Variants in TXNDC16 observed in about 807,000 individuals in gnomAD.
TXNDC16 encodes the protein thioredoxin domain containing 16.
A neutral mutation model predicts 85.6 loss-of-function variants in TXNDC16; 74 were observed. That is an observed-to-expected ratio of 0.86 (90% confidence interval 0.72 to 1.05). The LOEUF (loss-of-function observed/expected upper bound fraction) is 1.05, where lower values mean the gene tolerates loss of function less well. Ranked by LOEUF, TXNDC16 falls within the 50% of genes least tolerant of loss-of-function variation. The pLI, the probability that TXNDC16 is intolerant of heterozygous loss-of-function variation, is 0.00. For synonymous variants in TXNDC16, 335 were observed against 326.5 expected, an observed-to-expected ratio of 1.03 and a Z score of -0.28; for missense variants, 959 against 947.0, an observed-to-expected ratio of 1.01 and a Z score of -0.17.
chr14:52,498,478 T>C (rs1174678198), intron 9 of TXNDC16, among the ~76,000 whole-genome samples: 2 of 151,736 alleles, frequency 1.3e-5, no homozygotes, highest in African/African-American at 4.8e-5. Context: ...TTTTGCAGGA[T>C]ACAAAATCAG....
intron 4 of TXNDC16, among the ~76,000 whole-genome samples, chr14:52,539,326 T>C (rs1226461820): frequency 1.3e-5 from 2 of 152,064 alleles, no homozygotes; most frequent in Admixed American, 6.6e-5. Context: ...AGAGATGAGT[T>C]CTAAGCAGAG....
chr14:52,488,402 G>A lies in TXNDC16; in HGVS notation c.1069C>T (p.Gln357Ter), dbSNP rs2036318933. The A allele has an allele frequency of 1.2e-6, 2 of 1,613,346 alleles. No individual in the cohort carries two copies. Among genetic ancestry groups the A allele is most frequent in the Non-Finnish European group, 1.7e-6 (2 of 1,179,624 alleles). Residue 357 changes from glutamine to a stop codon, truncating the protein, a stop_gained, in exon 12 of 21, where the codon CAA becomes TAA. Coordinates refer to ENST00000281741, the MANE Select transcript of TXNDC16 (RefSeq NM_020784.3). LOFTEE classifies it high-confidence loss of function. Reference protein sequence around the residue: ...VENNMHIEEIQEDEDNDMEGP... With the variant: ...VENNMHIEEI ...TCCATGTCATTGTCTTCATCTTCTT[G>A]TATTTCCTCAATGTGCATATTATTT...
chr14:52,440,454 G>T, intron 19 of TXNDC16, 110 bp downstream of exon 19: 3 of 803,778 alleles, frequency 3.7e-6, no homozygotes, highest in Non-Finnish European at 5.2e-6. Flanking sequence ...TGACATATTT[G>T]GTTCCATAAA....
At position 52,439,253 on chromosome 14, in the gene TXNDC16, G is replaced by C; in HGVS notation, c.2145C>G (p.Asn715Lys). The change falls in exon 20 of 21, where the codon AAC becomes AAG. Residue 715 changes from asparagine to lysine, a missense_variant. Physicochemically the swap from Asn to Lys is moderately conservative, Grantham distance 94. Coordinates refer to ENST00000281741, the MANE Select transcript of TXNDC16 (RefSeq NM_020784.3). ...CTAATTTCTTCAGCCACAATACAAG[G>C]TTTTCTTCAATTATAGCCTGGTCTG... is the stretch of plus-strand genomic sequence containing the variant. Reference protein sequence around the residue: ...FPSDQAIIEENLVLWLKKLEA... With the variant: ...FPSDQAIIEEKLVLWLKKLEA... 6.2e-7 allele frequency: 1 copy of C among 1,613,966 alleles called. No homozygotes were observed. Among genetic ancestry groups the C allele is most frequent in the Non-Finnish European group, 8.5e-7 (1 of 1,179,958 alleles).
chr14:52,512,081 T>C (rs989650333), intron 8 of TXNDC16, among the ~76,000 whole-genome samples: 1 of 152,200 alleles, frequency 6.6e-6, no homozygotes, highest in Admixed American at 6.6e-5. Context: ...TAAAATGCTA[T>C]TTTAATTCTT....
chr14:52,537,953 A>T (rs1256190011), intron 4 of TXNDC16, among the ~76,000 whole-genome samples: 1 of 152,236 alleles, frequency 6.6e-6, no homozygotes, highest in Non-Finnish European at 1.5e-5. Context: ...TATGAGCAAT[A>T]GCCAGGAAGC....
chr14:52,482,258 GGA>G lies in TXNDC16; in HGVS notation c.1282_1283del (p.Ser428LeufsTer3). 6.2e-7 allele frequency: 1 copy of G among 1,611,778 alleles called. No homozygotes were observed. On this transcript the variant is annotated frameshift_variant, in exon 14 of 21. Coordinates refer to ENST00000281741, the MANE Select transcript of TXNDC16 (RefSeq NM_020784.3). LOFTEE classifies it high-confidence loss of function. ...TCAGTTTAACTGCCACATCAATATA[GGA>G]TTGCAAAAATGCCATGGATACTGCT... ...WQAVSMAFLQSYIDVAVKLKG... is the reference protein window; with the variant it reads ...WQAVSMAFLQXYIDVAVKLKG...
At position 52,495,934 on chromosome 14, in the gene TXNDC16, C is replaced by T. The variant is rs542741873; in HGVS notation, c.757-4929G>A. Among the ~76,000 whole-genome samples the T allele has an allele frequency of 4.0e-5, 6 of 151,780 alleles. No homozygotes were observed. The East Asian group carries it at 7.8e-4, about 20-fold the overall frequency. On this transcript the variant is annotated intron_variant, in intron 9 of 20. Transcript: ENST00000281741. ...CAGCACTTTGGGAGGCTGAGGCAGG[C>T]GGATCACGAGGTCAGGAGATCGAGA...
intron 9 of TXNDC16, among the ~76,000 whole-genome samples, chr14:52,495,694 A>T (rs1251178501): frequency 1.3e-5 from 2 of 152,216 alleles, no homozygotes; most frequent in Non-Finnish European, 2.9e-5. Context: ...TATCACTTCC[A>T]TGTGTAAAAT....
At chr14:52,526,044 G>A (rs1032399557) in intron 6 of TXNDC16, among the ~76,000 whole-genome samples, 6 of 151,668 alleles carry the variant, frequency 4.0e-5, no homozygotes, top group Non-Finnish European at 7.4e-5. Context: ...TTTTTGATCC[G>A]CTTATGGTTG....
At chr14:52,481,272 C>T (rs1223108937) in intron 14 of TXNDC16, among the ~76,000 whole-genome samples, 4 of 151,636 alleles carry the variant, frequency 2.6e-5, no homozygotes, top group Non-Finnish European at 4.4e-5. Context: ...GATGAGTGCA[C>T]CAATATCTCA....
intron 6 of TXNDC16, among the ~76,000 whole-genome samples, chr14:52,528,589 T>G (rs2037393143): frequency 6.6e-6 from 1 of 151,652 alleles, no homozygotes; most frequent in South Asian, 2.1e-4. Context: ...CTTATGTACA[T>G]ATCTAATAGT....
At chr14:52,499,252 T>C (rs182822154) in intron 9 of TXNDC16, among the ~76,000 whole-genome samples, 3 of 152,076 alleles carry the variant, frequency 2.0e-5, no homozygotes, top group Non-Finnish European at 2.9e-5. Context: ...TTTCATGACA[T>C]TGAAATGGGC....
Position 52,537,608 on chromosome 14 carries a change from T to C in TXNDC16, c.308A>G (p.Tyr103Cys), listed in dbSNP as rs1309498461. 4 of 1,584,592 alleles carry C rather than the reference T, an allele frequency of 2.5e-6. No homozygotes were observed. Among genetic ancestry groups the C allele is most frequent in the South Asian group, 1.1e-5 (1 of 90,448 alleles). ...CGKEKDLMKA[Y>C]LFKGNILLRE... The stretch of plus-strand genomic sequence containing the variant: ...CAGGAAAATAGCTTACTTGAATAAA[T>C]ATGCTTTCATCAAATCCTTTTCTTT... Residue 103 changes from tyrosine to cysteine, a missense_variant, in exon 5 of 21, where the codon TAT (tyrosine) becomes TGT (cysteine). Transcript: ENST00000281741.
At chr14:52,506,712 G>T (rs1264215395) in intron 9 of TXNDC16, among the ~76,000 whole-genome samples, 1 of 142,226 alleles carries the variant, frequency 7.0e-6, no homozygotes, top group African/African-American at 2.7e-5. Context: ...GCCCGCCACC[G>T]CGCCCGGCTA....
chr14:52,534,174 A>T (rs2037647276), intron 6 of TXNDC16, among the ~76,000 whole-genome samples: 1 of 152,154 alleles, frequency 6.6e-6, no homozygotes. Context: ...GCCTAAACTT[A>T]TACAGAGGGA....
At chr14:52,506,308 T>C (rs1321722775) in intron 9 of TXNDC16, among the ~76,000 whole-genome samples, 1 of 152,082 alleles carries the variant, frequency 6.6e-6, no homozygotes, top group Non-Finnish European at 1.5e-5. Flanking sequence ...TGATGAACAT[T>C]GATGCAAAAA....
At chr14:52,526,359 T>C (rs1175515913) in intron 6 of TXNDC16, among the ~76,000 whole-genome samples, 1 of 152,178 alleles carries the variant, frequency 6.6e-6, no homozygotes, top group African/African-American at 2.4e-5. Context: ...CCCCATATCA[T>C]TCCTATCAAC....
At chr14:52,542,324 G>T in intron 4 of TXNDC16, 47 bp downstream of exon 4, 1 of 1,252,240 alleles carries the variant, frequency 8.0e-7, no homozygotes, top group Non-Finnish European at 1.2e-6. Flanking sequence ...CCATAAAGTT[G>T]TAAGATGTTC....
Sources: allele counts gnomAD v4.1 joint callset (sites outside exome capture counted in the v4.1 genomes callset), GRCh38; gene constraint gnomAD v4.1.1; transcripts MANE v1.5; gene names NCBI Gene and HGNC (gene_info 2026-07-23, HGNC 2026-07-21).